INTS7: variants seen among roughly 807,000 people sequenced by gnomAD.
The protein encoded by INTS7 is integrator complex subunit 7.
A neutral mutation model predicts 109.2 loss-of-function variants in INTS7; 46 were observed. The observed-to-expected ratio is 0.42, with a 90% CI of 0.33 to 0.54. INTS7 has a LOEUF of 0.54. Ranked by LOEUF, INTS7 falls within the 20% of genes least tolerant of loss-of-function variation. The pLI, the probability that INTS7 is intolerant of heterozygous loss-of-function variation, is 0.07. For missense variants in INTS7, 929 were observed against 1,132.4 expected (o/e 0.82, Z 2.58); for synonymous variants, 412 against 402.9 (o/e 1.02, Z -0.27).
At chr1:212,016,370 T>C (rs2102484347) in intron 4 of INTS7, among the ~76,000 whole-genome samples, 1 of 152,336 alleles carries the variant, frequency 6.6e-6, no homozygotes, top group Admixed American at 6.5e-5. Flanking sequence ...AACATAGTAA[T>C]AAAACCATGG....
Position 211,981,142 on chromosome 1 carries a change from A to C in INTS7, c.1181T>G (p.Leu394Arg). The change falls in exon 10 of 20, where the codon CTG becomes CGG. Residue 394 changes from leucine to arginine, a missense_variant. Leu to Arg is a moderately radical substitution (Grantham distance 102, BLOSUM62 -2). This residue lies in a region of INTS7 where 787 missense variants were observed against 901.1 expected (regional missense o/e 0.87). Transcript: ENST00000366994. ...ACTATCATCTTGACTACAAAGTACCAGTAGGGATTCCAGGCCAAAGACAGC... is the reference window on the plus strand; with the variant it reads ...ACTATCATCTTGACTACAAAGTACCCGTAGGGATTCCAGGCCAAAGACAGC... Reference protein sequence around the residue: ...QDAVFGLESLLVLCSQDDSPG... With the variant: ...QDAVFGLESLRVLCSQDDSPG... The C allele has an allele frequency of 6.2e-7, 1 of 1,613,698 alleles. No individual in the cohort carries two copies. The highest frequency in any genetic ancestry group is 2.2e-5 in the East Asian group (1 of 44,850).
intron 14 of INTS7, 113 bp from the exon 15 acceptor site, chr1:211,968,094 C>A (rs1663989827): frequency 1.8e-6 from 1 of 564,878 alleles, no homozygotes; most frequent in African/African-American, 1.9e-5. Context: ...AAAAAAAATA[C>A]TGCCATCTTT....
At chr1:212,001,695 G>T (rs745733630) in intron 7 of INTS7, among the ~76,000 whole-genome samples, 2 of 152,158 alleles carry the variant, frequency 1.3e-5, no homozygotes, top group Non-Finnish European at 2.9e-5. Context: ...GGTTATCAAT[G>T]ACTTCATATT....
At chr1:211,955,898 T>C (rs767858585) in intron 16 of INTS7, among the ~76,000 whole-genome samples, 1 of 152,236 alleles carries the variant, frequency 6.6e-6, no homozygotes, top group Admixed American at 6.5e-5. Flanking sequence ...TTAAGTTCTA[T>C]TAAGACAAGA....
chr1:211,990,032 T>C (rs993165916), intron 7 of INTS7, among the ~76,000 whole-genome samples: 1 of 152,180 alleles, frequency 6.6e-6, no homozygotes, highest in Non-Finnish European at 1.5e-5. Flanking sequence ...GGGAAATAGG[T>C]GCTCTCATTG....
At chr1:211,948,234 G>C (rs964213210) in intron 17 of INTS7, among the ~76,000 whole-genome samples, 1 of 152,122 alleles carries the variant, frequency 6.6e-6, no homozygotes, top group African/African-American at 2.4e-5. Flanking sequence ...TCAGGCAATT[G>C]AACATTTTGT....
intron 7 of INTS7, among the ~76,000 whole-genome samples, chr1:211,988,566 A>G (rs1469830821): frequency 6.6e-6 from 1 of 152,196 alleles, no homozygotes; most frequent in African/African-American, 2.4e-5. Flanking sequence ...TAAAGAATGA[A>G]CTTTGGTTAA....
intron 1 of INTS7, among the ~76,000 whole-genome samples, chr1:212,026,607 G>A (rs754504115): frequency 1.3e-5 from 2 of 152,264 alleles, no homozygotes; most frequent in Middle Eastern, 3.4e-3. Context: ...TGAAAAACGG[G>A]TCAAGGGACA....
At chr1:211,982,593 A>T in intron 9 of INTS7, 83 bp downstream of exon 9, 1 of 1,090,502 alleles carries the variant, frequency 9.2e-7, no homozygotes, top group African/African-American at 1.6e-5. Flanking sequence ...GCTAAAAATA[A>T]GGGATTAAAA....
intron 15 of INTS7, among the ~76,000 whole-genome samples, chr1:211,967,624 A>T (rs1663956540): frequency 6.6e-6 from 1 of 152,168 alleles, no homozygotes; most frequent in Non-Finnish European, 1.5e-5. Context: ...GGTAAGCAAC[A>T]CTGGCTTTGG....
intron 13 of INTS7, among the ~76,000 whole-genome samples, chr1:211,974,300 T>TATATAA: frequency 7.0e-6 from 1 of 141,970 alleles, no homozygotes; most frequent in Non-Finnish European, 1.5e-5. Flanking sequence ...TATATATATA[T>TATATAA]ATATATATAA....
At chr1:211,954,334 C>A (rs1663258139) in intron 16 of INTS7, among the ~76,000 whole-genome samples, 1 of 152,080 alleles carries the variant, frequency 6.6e-6, no homozygotes, top group Admixed American at 6.5e-5. Context: ...AATTTTCTCC[C>A]ATTCTGTAGG....
rs1278920041 is a variant in INTS7, at chr1:211,941,216, GGAAGA to G, written c.*603_*607del. The stretch of plus-strand genomic sequence containing the variant: ...AGTCAGGCAGCAAATGATGTATTTT[GGAAGA>G]GTAGCGGTCAAATTTACCAATTCAG... On this transcript the variant is annotated 3_prime_UTR_variant, in exon 20 of 20. Transcript: ENST00000366994. 6.6e-6 allele frequency: 1 copy of G among 152,468 alleles called. No individual in the cohort carries two copies. Among genetic ancestry groups the G allele is most frequent in the Non-Finnish European group, 1.5e-5 (1 of 68,286 alleles). The allele number at this position is 152,468 out of a possible 1,614,324, so 9.4% of individuals were successfully genotyped here.
At chr1:212,022,781 G>A (rs1666765515) in intron 1 of INTS7, among the ~76,000 whole-genome samples, 1 of 152,142 alleles carries the variant, frequency 6.6e-6, no homozygotes, top group Non-Finnish European at 1.5e-5. Context: ...GGGGGTACAT[G>A]TGCAAGTTTG....
chr1:212,012,430 G>A (rs1021294944), intron 4 of INTS7, among the ~76,000 whole-genome samples: 2 of 152,054 alleles, frequency 1.3e-5, no homozygotes, highest in Non-Finnish European at 1.5e-5. Context: ...CATTATTTCC[G>A]GGAGAAGATA....
chr1:212,024,134 G>C (rs1049082965), intron 1 of INTS7, among the ~76,000 whole-genome samples: 5 of 152,088 alleles, frequency 3.3e-5, no homozygotes, highest in Non-Finnish European at 7.4e-5. Flanking sequence ...TTGAAATTGG[G>C]TAATGTGATG....
intron 16 of INTS7, among the ~76,000 whole-genome samples, chr1:211,953,672 T>C (rs1267317139): frequency 1.3e-5 from 2 of 151,116 alleles, no homozygotes; most frequent in Non-Finnish European, 2.9e-5. Context: ...GTCCTTGCGA[T>C]AGTTTGCTGA....
chr1:211,988,786 A>G (rs1442047043), intron 7 of INTS7, among the ~76,000 whole-genome samples: 1 of 152,210 alleles, frequency 6.6e-6, no homozygotes, highest in Non-Finnish European at 1.5e-5. Flanking sequence ...ATTTTTAAAA[A>G]TAACAGGGAA....
chr1:212,001,522 G>A (rs1571893241), intron 7 of INTS7, among the ~76,000 whole-genome samples: 1 of 152,106 alleles, frequency 6.6e-6, no homozygotes, highest in East Asian at 1.9e-4. Flanking sequence ...ATTGTATTAG[G>A]TATTATAAGT....
Sources: allele counts gnomAD v4.1 joint callset (sites outside exome capture counted in the v4.1 genomes callset), GRCh38; gene constraint gnomAD v4.1.1; regional missense constraint gnomAD v4.1.1; transcripts MANE v1.5; gene names NCBI Gene and HGNC (gene_info 2026-07-23, HGNC 2026-07-21).